PYGL: variants seen among roughly 807,000 people sequenced by gnomAD.
The protein encoded by PYGL is glycogen phosphorylase, liver form.
A neutral mutation model predicts 100.1 loss-of-function variants in PYGL; 90 were observed. The observed-to-expected ratio is 0.90, with a 90% CI of 0.76 to 1.07. The LOEUF (loss-of-function observed/expected upper bound fraction) is 1.07, where lower values mean the gene tolerates loss of function less well. Ranked by LOEUF, PYGL falls within the 50% of genes least tolerant of loss-of-function variation. PYGL has a pLI of 0.00. For synonymous variants in PYGL, 373 were observed against 393.0 expected, an observed-to-expected ratio of 0.95 and a Z score of 0.60; for missense variants, 1,016 against 1,057.6, an observed-to-expected ratio of 0.96 and a Z score of 0.55.
intron 3 of PYGL, among the ~76,000 whole-genome samples, chr14:50,932,699 G>T (rs1045055868): frequency 6.6e-6 from 1 of 152,180 alleles, no homozygotes; most frequent in Non-Finnish European, 1.5e-5. Flanking sequence ...CCAACAGGCT[G>T]GGTAAGGATC....
At chr14:50,906,285 A>G (rs2050335852) in intron 19 of PYGL, among the ~76,000 whole-genome samples, 1 of 152,230 alleles carries the variant, frequency 6.6e-6, no homozygotes, top group Admixed American at 6.5e-5. Context: ...AATGTTATCA[A>G]TGCATTATAA....
chr14:50,925,787 T>A (rs1219702251), intron 4 of PYGL, among the ~76,000 whole-genome samples: 3 of 152,248 alleles, frequency 2.0e-5, no homozygotes, highest in Admixed American at 6.5e-5. Flanking sequence ...ACATCTTTAG[T>A]TGGAAGAGCT....
chr14:50,907,278 T>C (rs1320870377), intron 19 of PYGL, among the ~76,000 whole-genome samples: 1 of 152,168 alleles, frequency 6.6e-6, no homozygotes, highest in East Asian at 1.9e-4. Flanking sequence ...TTTCTCTTTC[T>C]ACGAATTTAT....
In PYGL at chr14:50,910,013, C is replaced by T. The variant is rs560099818; in HGVS notation, c.2059G>A (p.Ala687Thr). 1.1e-5 allele frequency: 18 copies of T among 1,614,046 alleles called. No individual in the cohort carries two copies. Among genetic ancestry groups the T allele is most frequent in the African/African-American group, 4.0e-5 (3 of 74,922 alleles). ...CCATCCATGGTCCCGATAGTTAGGG[C>T]CCCATTTAGCATGAACTTCATATTG... ...TGNMKFMLNG[A>T]LTIGTMDGAN... The change falls in exon 17 of 20, where the codon GCC (alanine) becomes ACC (threonine). Residue 687 changes from alanine to threonine, a missense_variant. Coordinates refer to ENST00000216392, the MANE Select transcript of PYGL (RefSeq NM_002863.5).
rs761874487 is a variant in PYGL, at chr14:50,916,704, C to A, written c.1030G>T (p.Ala344Ser). 8 of 1,614,166 alleles carry A rather than the reference C, an allele frequency of 5.0e-6. No homozygotes were observed. The African/African-American group carries it at 9.3e-5, about 19-fold the overall frequency. ...CTCATCAGCTCAGGGATCGCGAGTG[C>A]AGGGTGAGTGTCATTCAGCTGGATG... is the stretch of plus-strand genomic sequence containing the variant. Reference protein sequence around the residue: ...VAIQLNDTHPALAIPELMRIF... With the variant: ...VAIQLNDTHPSLAIPELMRIF... Residue 344 changes from alanine to serine, a missense_variant, in exon 9 of 20, where the codon GCA becomes TCA. By Grantham distance (99) the Ala-to-Ser change is moderately conservative. Transcript: ENST00000216392.
chr14:50,910,999 TC>T (rs2050390973), intron 16 of PYGL, among the ~76,000 whole-genome samples: 1 of 152,218 alleles, frequency 6.6e-6, no homozygotes, highest in South Asian at 2.1e-4. Flanking sequence ...CTGGCTCTTC[TC>T]CCTTTATGCA....
chr14:50,908,701 G>T, intron 18 of PYGL, 120 bp downstream of exon 18: 1 of 1,371,984 alleles, frequency 7.3e-7, no homozygotes, highest in Non-Finnish European at 1.0e-6. Flanking sequence ...TACATGAGTG[G>T]GTTTAAGTTG....
intron 4 of PYGL, among the ~76,000 whole-genome samples, chr14:50,924,922 C>T (rs773989688): frequency 6.6e-6 from 1 of 152,184 alleles, no homozygotes; most frequent in Non-Finnish European, 1.5e-5. Context: ...AACACCACCA[C>T]CACCAAACAC....
In PYGL at chr14:50,920,576, C is replaced by G; in HGVS notation, c.820G>C (p.Glu274Gln). 6.2e-7 allele frequency: 1 copy of G among 1,613,532 alleles called. No individual in the cohort carries two copies. Among genetic ancestry groups the G allele is most frequent in the African/African-American group, 1.3e-5 (1 of 75,030 alleles). The change falls in exon 7 of 20, where the codon GAG (glutamate) becomes CAG (glutamine). Residue 274 changes from glutamate (E) to glutamine (Q), a missense_variant. Coordinates refer to ENST00000216392, the MANE Select transcript of PYGL (RefSeq NM_002863.5). ...GGATAGAGGACCCGGGAGATGTTCT[C>G]GGCCAGGTTTCGGTCCAGCACAGCC... ...IQAVLDRNLA[E>Q]NISRVLYPND...
intron 11 of PYGL, 153 bp downstream of exon 11, chr14:50,915,183 T>C (rs536760088): frequency 7.5e-5 from 74 of 989,736 alleles, no homozygotes; most frequent in Non-Finnish European, 9.5e-5. Context: ...CTTTTCTTTT[T>C]TTTTTTTAGG....
intron 4 of PYGL, 28 bp from the exon 5 acceptor site, chr14:50,924,128 AT>A: frequency 1.2e-6 from 2 of 1,610,060 alleles, no homozygotes; most frequent in South Asian, 2.2e-5. Context: ...ATTGCTTAGA[AT>A]TTATTTGTCA....
At chr14:50,930,731 C>T (rs1310051246) in intron 4 of PYGL, among the ~76,000 whole-genome samples, 2 of 152,114 alleles carry the variant, frequency 1.3e-5, no homozygotes, top group South Asian at 2.1e-4. Context: ...AGTCCCTGAG[C>T]GTTCTCTTGT....
At chr14:50,920,119 C>CT (rs1394977091) in intron 7 of PYGL, among the ~76,000 whole-genome samples, 1 of 152,132 alleles carries the variant, frequency 6.6e-6, no homozygotes, top group African/African-American at 2.4e-5. Flanking sequence ...CTAACTCCAT[C>CT]TAGCATCAGG....
At chr14:50,941,715 T>C (rs1035984269) in intron 1 of PYGL, among the ~76,000 whole-genome samples, 2 of 152,072 alleles carry the variant, frequency 1.3e-5, no homozygotes, top group Admixed American at 6.5e-5. Context: ...CTGTCGCTAC[T>C]AAAAATACAA....
chr14:50,911,677 G>A lies in PYGL; in HGVS notation c.1969+53C>T, dbSNP rs527921984. On this transcript the variant is annotated intron_variant, in intron 16 of 19. Transcript: ENST00000216392. ...TTGGCTGCCCCATCTTTCATACCAT[G>A]TAATCTCTAGAGTTTGCCCTGGCCC... 2.8e-5 allele frequency: 45 copies of A among 1,604,094 alleles called. No individual in the cohort carries two copies. In the East Asian group the frequency reaches 8.9e-4, roughly 32 times the overall value.
intron 2 of PYGL, among the ~76,000 whole-genome samples, chr14:50,935,626 G>C (rs1031172650): frequency 3.9e-5 from 6 of 152,196 alleles, no homozygotes; most frequent in African/African-American, 1.4e-4. Flanking sequence ...TTGTGTGTGT[G>C]TGTGTACAGT....
At chr14:50,943,644 A>G (rs1306741347) in intron 1 of PYGL, among the ~76,000 whole-genome samples, 1 of 152,206 alleles carries the variant, frequency 6.6e-6, no homozygotes, top group Non-Finnish European at 1.5e-5. Flanking sequence ...CACCACACTT[A>G]GCCACTCCCA....
intron 19 of PYGL, 73 bp from the exon 20 acceptor site, chr14:50,905,629 C>A: frequency 3.0e-6 from 4 of 1,330,882 alleles, no homozygotes; most frequent in Non-Finnish European, 4.3e-6. Context: ...ATCAGCCAAG[C>A]ACATCCAAAC....
In PYGL at chr14:50,924,000, G is replaced by T; in HGVS notation, c.629C>A (p.Thr210Asn). ...PVHFYGKVEH[T>N]NTGTKWIDTQ... is the part of the protein sequence containing the mutation. ...GTCAATCCACTTGGTCCCGGTGTTGGTGTGTTCTACTTTTCCATAGAAGTG... is the reference window on the plus strand; with the variant it reads ...GTCAATCCACTTGGTCCCGGTGTTGTTGTGTTCTACTTTTCCATAGAAGTG... Residue 210 changes from threonine to asparagine, a missense_variant, in exon 5 of 20, where the codon ACC (threonine) becomes AAC (asparagine). Coordinates refer to ENST00000216392, the MANE Select transcript of PYGL (RefSeq NM_002863.5). 1 of 1,613,930 alleles carries T rather than the reference G, an allele frequency of 6.2e-7. No individual in the cohort carries two copies. Among genetic ancestry groups the T allele is most frequent in the Non-Finnish European group, 8.5e-7 (1 of 1,179,852 alleles).
Sources: gnomAD v4.1 joint callset for allele counts (sites outside exome capture counted in the v4.1 genomes callset) on GRCh38, gnomAD v4.1.1 for gene constraint, MANE v1.5 for transcripts, NCBI Gene and HGNC (gene_info 2026-07-23, HGNC 2026-07-21) for gene names.